ZFHX3: variants seen among roughly 807,000 people sequenced by gnomAD.
The protein encoded by ZFHX3 is zinc finger homeobox protein 3.
ZFHX3 carries 42 observed loss-of-function variants against 279.1 expected under a neutral mutation model. The ratio of observed to expected loss-of-function variants is 0.15; its 90% CI spans 0.12 to 0.19. ZFHX3 has a LOEUF of 0.19. Ranked by LOEUF, ZFHX3 falls within the 10% of genes least tolerant of loss-of-function variation. The pLI, the probability that ZFHX3 is intolerant of heterozygous loss-of-function variation, is 1.00. For synonymous variants in ZFHX3, 2,293 were observed against 1,957.8 expected, an observed-to-expected ratio of 1.17 and a Z score of -4.52; for missense variants, 4,981 against 4,754.0, an observed-to-expected ratio of 1.05 and a Z score of -1.40.
At chr16:73,151,935 C>T (rs907221643) in intron 5 of ZFHX3, among the ~76,000 whole-genome samples, 1 of 131,344 alleles carries the variant, frequency 7.6e-6, no homozygotes, top group Non-Finnish European at 1.6e-5. Context: ...CCCACCCACA[C>T]AGAAAAAAAC....
At chr16:73,766,916 T>C (rs909740064) in intron 1 of ZFHX3, among the ~76,000 whole-genome samples, 3 of 151,126 alleles carry the variant, frequency 2.0e-5, no homozygotes, top group African/African-American at 4.9e-5. Context: ...CAAAGGTAAT[T>C]GTGGGTTTTG....
chr16:73,574,618 G>A (rs1290467839), intron 2 of ZFHX3, among the ~76,000 whole-genome samples: 1 of 152,184 alleles, frequency 6.6e-6, no homozygotes, highest in Non-Finnish European at 1.5e-5. Flanking sequence ...GTGACAATGG[G>A]TGAAGGGATT....
chr16:73,870,365 G>A (rs1029706121), intron 1 of ZFHX3, among the ~76,000 whole-genome samples: 4 of 152,160 alleles, frequency 2.6e-5, no homozygotes, highest in South Asian at 2.1e-4. Flanking sequence ...ATCACGAAGC[G>A]TCCGCCCCAC....
chr16:73,580,508 C>CAAACAAAA (rs1555525965), intron 2 of ZFHX3, among the ~76,000 whole-genome samples: 1 of 140,138 alleles, frequency 7.1e-6, no homozygotes. Flanking sequence ...AACAAACAAA[C>CAAACAAAA]AAAAAAAAAA....
At chr16:73,464,240 T>C (rs1239938157) in intron 2 of ZFHX3, among the ~76,000 whole-genome samples, 1 of 151,832 alleles carries the variant, frequency 6.6e-6, no homozygotes, top group East Asian at 1.9e-4. Context: ...GAGGTTAAGC[T>C]CAAAGGCAGA....
At chr16:72,917,892 CCTTA>C (rs1320784512) in intron 3 of ZFHX3, among the ~76,000 whole-genome samples, 1 of 152,108 alleles carries the variant, frequency 6.6e-6, no homozygotes, top group Non-Finnish European at 1.5e-5. Flanking sequence ...AAGACGATCA[CCTTA>C]CTGTTACATT....
intron 1 of ZFHX3, among the ~76,000 whole-genome samples, chr16:73,812,056 T>TAGTAGG (rs1355656146): frequency 1.3e-5 from 2 of 152,320 alleles, no homozygotes; most frequent in Admixed American, 1.3e-4. Context: ...GGCTAATGAA[T>TAGTAGG]AGTAGGGTCT....
chr16:73,563,798 T>C (rs993180452), intron 2 of ZFHX3, among the ~76,000 whole-genome samples: 1 of 152,184 alleles, frequency 6.6e-6, no homozygotes, highest in Admixed American at 6.5e-5. Flanking sequence ...AGTCCTAGGA[T>C]TCTTTTTATC....
chr16:73,808,049 C>T (rs1347853172), intron 1 of ZFHX3, among the ~76,000 whole-genome samples: 1 of 152,106 alleles, frequency 6.6e-6, no homozygotes, highest in African/African-American at 2.4e-5. Flanking sequence ...AGGGCTTACA[C>T]TCAGAAACCC....
At chr16:73,855,405 G>C (rs1047504193) in intron 1 of ZFHX3, among the ~76,000 whole-genome samples, 2 of 152,086 alleles carry the variant, frequency 1.3e-5, no homozygotes, top group Non-Finnish European at 2.9e-5. Flanking sequence ...TTATCAGAGA[G>C]GAAGTCAACT....
chr16:73,108,985 G>A (rs1324982922), intron 7 of ZFHX3, among the ~76,000 whole-genome samples: 3 of 121,488 alleles, frequency 2.5e-5, no homozygotes, highest in Admixed American at 8.8e-5. Context: ...CTAACAAGCT[G>A]ATAGGCACTG....
At chr16:73,855,583 CT>C (rs1373600411) in intron 1 of ZFHX3, among the ~76,000 whole-genome samples, 7 of 152,124 alleles carry the variant, frequency 4.6e-5, no homozygotes, top group African/African-American at 1.7e-4. Flanking sequence ...ATTAGTTCAC[CT>C]TTACTGCATG....
At chr16:73,486,268 C>T (rs1205833731) in intron 2 of ZFHX3, among the ~76,000 whole-genome samples, 2 of 152,250 alleles carry the variant, frequency 1.3e-5, no homozygotes, top group Non-Finnish European at 2.9e-5. Flanking sequence ...TCTTCATTTA[C>T]ATAGGACATA....
chr16:73,398,018 T>C (rs1451487724), intron 3 of ZFHX3, among the ~76,000 whole-genome samples: 10 of 152,174 alleles, frequency 6.6e-5, no homozygotes, highest in Admixed American at 6.5e-4. Context: ...CTAATTTTTA[T>C]ATTTTTAGTA....
intron 2 of ZFHX3, among the ~76,000 whole-genome samples, chr16:73,508,816 T>C (rs138668548): frequency 3.9e-4 from 59 of 152,342 alleles, no homozygotes; most frequent in Middle Eastern, 3.4e-3. Context: ...TGTGTCCTTC[T>C]CCTTCTTTGT....
At chr16:73,819,878 G>A (rs1298312703) in intron 1 of ZFHX3, among the ~76,000 whole-genome samples, 1 of 152,128 alleles carries the variant, frequency 6.6e-6, no homozygotes, top group African/African-American at 2.4e-5. Flanking sequence ...TGCCCCTCTG[G>A]CCAAGTGTGA....
intron 7 of ZFHX3, among the ~76,000 whole-genome samples, chr16:73,095,350 C>T (rs1301201429): frequency 6.6e-6 from 1 of 152,184 alleles, no homozygotes; most frequent in East Asian, 1.9e-4. Flanking sequence ...ATCTTAGCTA[C>T]TGCTGAAGTA....
At chr16:73,119,836 G>A (rs141053939) in intron 7 of ZFHX3, among the ~76,000 whole-genome samples, 33 of 152,252 alleles carry the variant, frequency 2.2e-4, no homozygotes, top group African/African-American at 7.7e-4. Context: ...GCAACACCTT[G>A]CATGGTTTAT....
intron 3 of ZFHX3, among the ~76,000 whole-genome samples, chr16:72,934,867 T>C (rs547909742): frequency 4.1e-4 from 62 of 152,222 alleles, no homozygotes; most frequent in African/African-American, 1.3e-3. Context: ...GCAGGCGTAG[T>C]TTTTTAAAGG....
Sources: gnomAD v4.1 joint callset for allele counts (sites outside exome capture counted in the v4.1 genomes callset) on GRCh38, gnomAD v4.1.1 for gene constraint, MANE v1.5 for transcripts, NCBI Gene and HGNC (gene_info 2026-07-23, HGNC 2026-07-21) for gene names.